Variants in HECTD4 observed in about 807,000 individuals in gnomAD.
HECTD4 encodes the protein HECT domain E3 ubiquitin protein ligase 4.
HECTD4 carries 114 observed loss-of-function variants against 471.5 expected under a neutral mutation model. The ratio of observed to expected loss-of-function variants is 0.24; its 90% CI spans 0.21 to 0.28. The LOEUF is 0.28. Among genes scored for constraint, HECTD4 ranks in the 10% least tolerant of loss-of-function variants. The pLI, the probability that HECTD4 is intolerant of heterozygous loss-of-function variation, is 1.00. For synonymous variants in HECTD4, 2,012 were observed against 2,256.0 expected, an observed-to-expected ratio of 0.89 and a Z score of 3.07; for missense variants, 3,866 against 5,651.5, an observed-to-expected ratio of 0.68 and a Z score of 10.13.
intron 1 of HECTD4, among the ~76,000 whole-genome samples, chr12:112,378,253 A>C (rs991650822): frequency 6.6e-6 from 1 of 151,812 alleles, no homozygotes; most frequent in African/African-American, 2.4e-5. Flanking sequence ...GAGTCTCGCT[A>C]TGTTGCCCAG....
chr12:112,244,416 T>G (rs1241398646), intron 29 of HECTD4, among the ~76,000 whole-genome samples: 1 of 152,234 alleles, frequency 6.6e-6, no homozygotes, highest in Admixed American at 6.5e-5. Context: ...TCACCCAGGA[T>G]GCAGTGCAGT....
chr12:112,319,693 C>A lies in HECTD4; in HGVS notation c.227G>T (p.Arg76Leu). Reference protein sequence around the residue: ...KNPSELAERLRSVCGNQSNAY... With the variant: ...KNPSELAERLLSVCGNQSNAY... ...ATTGCTCTGATTCCCACAAACAGAG[C>A]GCAAACGTTCTGCTAATTCCGACGG... Residue 76 changes from arginine (R) to leucine (L), a missense_variant, in exon 2 of 76, where the codon CGC (arginine) becomes CTC (leucine). By Grantham distance (102) the Arg-to-Leu change is moderately radical. Coordinates refer to ENST00000682272, the MANE Select transcript of HECTD4 (RefSeq NM_001388303.1). The surrounding 1 kb of genome is among the most constrained non-coding windows in gnomAD (Gnocchi z 5.3). 1 of 1,272,684 alleles carries A rather than the reference C, an allele frequency of 7.9e-7. No homozygotes were observed. Among genetic ancestry groups the A allele is most frequent in the Non-Finnish European group, 9.9e-7 (1 of 1,011,518 alleles). The allele number at this position is 1,272,684 out of a possible 1,614,324, so 78.8% of individuals were successfully genotyped here.
intron 60 of HECTD4, among the ~76,000 whole-genome samples, chr12:112,187,413 T>A (rs1372871028): frequency 2.0e-5 from 3 of 151,896 alleles, no homozygotes; most frequent in Admixed American, 6.6e-5. Flanking sequence ...ATGGACTGAT[T>A]GATTGATTGA....
At chr12:112,247,857 A>G (rs2033794536) in intron 27 of HECTD4, among the ~76,000 whole-genome samples, 1 of 152,152 alleles carries the variant, frequency 6.6e-6, no homozygotes, top group South Asian at 2.1e-4. Flanking sequence ...TAAAAAAACA[A>G]CCTAATGAGT....
intron 1 of HECTD4, among the ~76,000 whole-genome samples, chr12:112,355,416 G>A (rs1348381939): frequency 4.6e-5 from 7 of 150,676 alleles, no homozygotes; most frequent in African/African-American, 7.3e-5. Flanking sequence ...GGCTGATACC[G>A]CGCCACTGCA....
chr12:112,172,573 A>G, intron 67 of HECTD4, 98 bp downstream of exon 67: 4 of 1,229,452 alleles, frequency 3.3e-6, no homozygotes, highest in Non-Finnish European at 4.7e-6. Context: ...TGTTCGTTCG[A>G]TGGACGTCTA....
intron 25 of HECTD4, among the ~76,000 whole-genome samples, chr12:112,249,003 G>A (rs1338618549): frequency 2.0e-5 from 3 of 152,148 alleles, no homozygotes; most frequent in East Asian, 3.8e-4. Flanking sequence ...TGGCATTGTC[G>A]GAGTCTTACG....
chr12:112,248,646 T>A, intron 25 of HECTD4, 134 bp from the exon 26 acceptor site: 1 of 549,242 alleles, frequency 1.8e-6, no homozygotes, highest in Non-Finnish European at 3.0e-6. Context: ...AGTGGAGCAA[T>A]CATGGCTCAC....
chr12:112,191,141 A>G (rs2032064983), intron 59 of HECTD4, among the ~76,000 whole-genome samples, 176 bp from the exon 60 acceptor site: 1 of 152,224 alleles, frequency 6.6e-6, no homozygotes, highest in Non-Finnish European at 1.5e-5. Flanking sequence ...CTGCAGGGAC[A>G]CGAGGAGATG....
In HECTD4 at chr12:112,190,796, C is replaced by T. The variant is rs375657922; in HGVS notation, c.9462G>A (p.Val3154=). The T allele has an allele frequency of 1.3e-6, 2 of 1,582,744 alleles. No homozygotes were observed. Among genetic ancestry groups the T allele is most frequent in the Non-Finnish European group, 1.7e-6 (2 of 1,164,190 alleles). The change falls in exon 60 of 76, where the codon GTG becomes GTA. Residue 3154 remains valine (V), a synonymous_variant. Coordinates refer to ENST00000682272, the MANE Select transcript of HECTD4 (RefSeq NM_001388303.1). Reference sequence around the variant, plus strand: ...GGAAGGCAGCCTCACCTAGCAGCTCCACCACCTGCAGGAGGACGGATGTCG... The same window carrying T: ...GGAAGGCAGCCTCACCTAGCAGCTCTACCACCTGCAGGAGGACGGATGTCG... ...TIPTSVLLQV[V]ELLGNFLWTT...
In HECTD4 at chr12:112,273,659, G is replaced by A; in HGVS notation, c.1938C>T (p.Pro646=). ...RLGVSHIITE[P]KEEAITTNEV... ...AAGACCCTGAGTGCACCTCACCTTT[G>A]GGCTCAGTGATAATGTGACTGACTC... Residue 646 remains proline, a synonymous_variant, in exon 11 of 76, where the codon CCC becomes CCT. Coordinates refer to ENST00000682272, the MANE Select transcript of HECTD4 (RefSeq NM_001388303.1). 1 of 1,613,682 alleles carries A rather than the reference G, an allele frequency of 6.2e-7. No individual in the cohort carries two copies. Among genetic ancestry groups the A allele is most frequent in the Non-Finnish European group, 8.5e-7 (1 of 1,179,710 alleles).
In HECTD4 at chr12:112,228,928, T is replaced by C. The variant is rs2033307673; in HGVS notation, c.6520-117A>G. ...TCATTGTTGGCGTTACAGTAATAGT[T>C]TATACTACTAGGGTAGCAGATACCA... On this transcript the variant is annotated intron_variant, in intron 41 of 75. Transcript: ENST00000682272. This position sits in a 1 kb window ranked among gnomAD's most constrained non-coding sequence, Gnocchi z 4.9. 2 of 982,634 alleles carry C rather than the reference T, an allele frequency of 2.0e-6. No individual in the cohort carries two copies. The highest frequency in any genetic ancestry group is 2.8e-5 in the South Asian group (2 of 70,638). The allele number at this position is 982,634 out of a possible 1,614,324, so 60.9% of individuals were successfully genotyped here. A position where few individuals can be genotyped will look rare whatever the true frequency, so the allele number is the denominator to read the frequency against.
chr12:112,340,121 C>A (rs1336079073), intron 1 of HECTD4, among the ~76,000 whole-genome samples: 2 of 151,780 alleles, frequency 1.3e-5, no homozygotes, highest in African/African-American at 4.8e-5. Context: ...GGATGTAATT[C>A]ATCATAAGTC....
chr12:112,170,517 G>C (rs2031173125), intron 68 of HECTD4, 65 bp from the exon 69 acceptor site: 2 of 1,571,442 alleles, frequency 1.3e-6, no homozygotes, highest in African/African-American at 1.3e-5. Context: ...GTCCCCCCAA[G>C]ACTCTCTTCC....
rs757458986 is a variant in HECTD4 at position 112,250,354 on chromosome 12, T to C, written c.3740A>G (p.Asn1247Ser). ...AGTAAGGGCAGGGGAGATCACGCCA[T>C]TGGCCTCCACCTGCCACTGGCACCT... is the stretch of plus-strand genomic sequence containing the variant. The part of the protein sequence containing the change: ...LQRCQWQVEA[N>S]GVISPALTPS... The change falls in exon 25 of 76, where the codon AAT becomes AGT. Residue 1247 changes from asparagine to serine, a missense_variant. Physicochemically the swap from Asn to Ser is conservative, Grantham distance 46. Transcript: ENST00000682272. 1.2e-6 allele frequency: 2 copies of C among 1,613,128 alleles called. No individual in the cohort carries two copies. Among genetic ancestry groups the C allele is most frequent in the Non-Finnish European group, 1.7e-6 (2 of 1,179,460 alleles).
At chr12:112,291,291 T>C (rs181578230) in intron 7 of HECTD4, among the ~76,000 whole-genome samples, 1 of 152,330 alleles carries the variant, frequency 6.6e-6, no homozygotes, top group African/African-American at 2.4e-5. Context: ...CCAGTCATTA[T>C]GTCATTTCAC....
chr12:112,206,940 A>G (rs1281351596), intron 52 of HECTD4, among the ~76,000 whole-genome samples: 1 of 152,168 alleles, frequency 6.6e-6, no homozygotes. Context: ...TTTTCTGAGC[A>G]GAGTTTAAAA....
chr12:112,342,866 C>T (rs759963159), intron 1 of HECTD4, among the ~76,000 whole-genome samples: 2 of 152,158 alleles, frequency 1.3e-5, no homozygotes, highest in East Asian at 1.9e-4. Context: ...AATCCTTTCC[C>T]TAGTAAGCAA....
chr12:112,349,263 C>T (rs1188188369), intron 1 of HECTD4, among the ~76,000 whole-genome samples: 1 of 151,678 alleles, frequency 6.6e-6, no homozygotes, highest in African/African-American at 2.4e-5. Context: ...GTAACACATG[C>T]CTATAGTCCC....
Sources: allele counts gnomAD v4.1 joint callset (sites outside exome capture counted in the v4.1 genomes callset), GRCh38; gene constraint gnomAD v4.1.1; non-coding constraint Gnocchi (gnomAD v3.1); transcripts MANE v1.5; gene names NCBI Gene and HGNC (gene_info 2026-07-23, HGNC 2026-07-21).